NT5C2: variants seen among roughly 807,000 people sequenced by gnomAD.
The protein encoded by NT5C2 is cytosolic purine 5'-nucleotidase.
Under a neutral mutation model 76.1 loss-of-function variants are expected in NT5C2, and 58 were observed. The ratio of observed to expected loss-of-function variants is 0.76; its 90% CI spans 0.62 to 0.95. The LOEUF (loss-of-function observed/expected upper bound fraction) is 0.95, where lower values mean the gene tolerates loss of function less well. Among genes scored for constraint, NT5C2 ranks in the 40% least tolerant of loss-of-function variants. The pLI, the probability that NT5C2 is intolerant of heterozygous loss-of-function variation, is 0.00. For synonymous variants in NT5C2, 229 were observed against 237.4 expected, an observed-to-expected ratio of 0.96 and a Z score of 0.32; for missense variants, 478 against 690.3, an observed-to-expected ratio of 0.69 and a Z score of 3.45.
At position 103,090,017 on chromosome 10, in the gene NT5C2, G is replaced by A; in HGVS notation, c.1450-109C>T. On this transcript the variant is annotated intron_variant, in intron 18 of 18. Transcript: ENST00000404739. ...GTGGCCATGCAATTACATCTATAAT[G>A]GACCACAGGACAAGTCAATATAGAC... is the stretch of plus-strand genomic sequence containing the variant. 1.3e-6 allele frequency: 1 copy of A among 748,686 alleles called. No homozygotes were observed. The highest frequency in any genetic ancestry group is 2.1e-6 in the Non-Finnish European group (1 of 475,884). The allele number at this position is 748,686 out of a possible 1,614,324, so 46.4% of individuals were successfully genotyped here. A position where few individuals can be genotyped will look rare whatever the true frequency, so the allele number is the denominator to read the frequency against.
chr10:103,129,533 C>T (rs2077547609), intron 4 of NT5C2, among the ~76,000 whole-genome samples: 2 of 116,060 alleles, frequency 1.7e-5, no homozygotes, highest in Admixed American at 1.6e-4. Context: ...GTGGGGGGGT[C>T]AGCCCCCCGC....
chr10:103,144,191 A>C (rs2081085677), intron 3 of NT5C2, among the ~76,000 whole-genome samples: 1 of 152,240 alleles, frequency 6.6e-6, no homozygotes, highest in Admixed American at 6.5e-5. Flanking sequence ...TTCAGGCTAG[A>C]GAGCCAACTG....
intron 6 of NT5C2, chr10:103,105,336 C>A: frequency 1.2e-6 from 1 of 803,390 alleles, no homozygotes; most frequent in Non-Finnish European, 1.6e-6. Flanking sequence ...AAAATTTTTT[C>A]AAAGCATTTT....
chr10:103,144,840 A>G (rs1186229917), intron 3 of NT5C2, among the ~76,000 whole-genome samples: 1 of 152,238 alleles, frequency 6.6e-6, no homozygotes, highest in Admixed American at 6.5e-5. Flanking sequence ...ATGTTTTCCT[A>G]TGAAGTTCTA....
In NT5C2 at chr10:103,090,614, G is replaced by A. The variant is rs754488706; in HGVS notation, c.1446C>T (p.Val482=). 1 of 1,612,798 alleles carries A rather than the reference G, an allele frequency of 6.2e-7. No individual in the cohort carries two copies. The highest frequency in any genetic ancestry group is 8.5e-7 in the Non-Finnish European group (1 of 1,179,326). ...GTCCATTACAGCTTTAACTCACCAAGACATGGGCAGCCCTGAAGAGGTAGC... is the reference window on the plus strand; with the variant it reads ...GTCCATTACAGCTTTAACTCACCAAAACATGGGCAGCCCTGAAGAGGTAGC... The part of the protein sequence containing the change: ...PFSYLFRAAH[V]LMPHESTVEH... The change falls in exon 18 of 19, where the codon GTC becomes GTT. Residue 482 remains valine (V), a synonymous_variant. Transcript: ENST00000404739.
intron 4 of NT5C2, among the ~76,000 whole-genome samples, chr10:103,132,863 A>C (rs1036542516): frequency 6.6e-6 from 1 of 152,088 alleles, no homozygotes; most frequent in African/African-American, 2.4e-5. Context: ...GTCTAAAGTA[A>C]TTAAAAAAAA....
intron 1 of NT5C2, among the ~76,000 whole-genome samples, chr10:103,185,940 T>C (rs1477072962): frequency 6.6e-6 from 1 of 152,172 alleles, no homozygotes; most frequent in Admixed American, 6.6e-5. Context: ...GCTAACATAA[T>C]AACAGCTGAC....
At chr10:103,154,327 CTTTT>C (rs1341205013) in intron 3 of NT5C2, among the ~76,000 whole-genome samples, 1 of 151,922 alleles carries the variant, frequency 6.6e-6, no homozygotes, top group Non-Finnish European at 1.5e-5. Flanking sequence ...ATAAAGGTTT[CTTTT>C]TGTTATTAAA....
chr10:103,122,488 G>A (rs1009413795), intron 4 of NT5C2, among the ~76,000 whole-genome samples: 5 of 152,156 alleles, frequency 3.3e-5, no homozygotes, highest in African/African-American at 1.2e-4. Flanking sequence ...GGAGCAGCAT[G>A]AGAAATAGAA....
At chr10:103,171,522 A>C (rs1191358649) in intron 3 of NT5C2, among the ~76,000 whole-genome samples, 2 of 152,180 alleles carry the variant, frequency 1.3e-5, no homozygotes, top group Non-Finnish European at 2.9e-5. Context: ...GCAACTTTTT[A>C]GCACTGCCAA....
chr10:103,137,849 AGAAG>A (rs1384806973), intron 4 of NT5C2, among the ~76,000 whole-genome samples: 1 of 152,212 alleles, frequency 6.6e-6, no homozygotes, highest in Non-Finnish European at 1.5e-5. Context: ...TATATCTTAG[AGAAG>A]GAAGGGAAAA....
intron 4 of NT5C2, among the ~76,000 whole-genome samples, chr10:103,117,230 A>G (rs1591009680): frequency 6.6e-6 from 1 of 152,358 alleles, no homozygotes; most frequent in East Asian, 1.9e-4. Flanking sequence ...AAATAACAGA[A>G]ACAAAAATGG....
At chr10:103,113,133 T>C (rs1431677738) in intron 4 of NT5C2, among the ~76,000 whole-genome samples, 2 of 152,180 alleles carry the variant, frequency 1.3e-5, no homozygotes, top group Admixed American at 6.5e-5. Flanking sequence ...CTAGATATCA[T>C]AGCAATACTT....
intron 4 of NT5C2, among the ~76,000 whole-genome samples, chr10:103,129,738 G>A (rs1301793808): frequency 5.6e-4 from 57 of 100,972 alleles, no homozygotes; most frequent in Non-Finnish European, 8.2e-4. Flanking sequence ...CAGCCGCCCC[G>A]TCCGGGAGGG....
At chr10:103,170,564 C>T (rs1380028703) in intron 3 of NT5C2, among the ~76,000 whole-genome samples, 1 of 134,538 alleles carries the variant, frequency 7.4e-6, no homozygotes, top group Non-Finnish European at 1.5e-5. Flanking sequence ...TGCTCTCATT[C>T]TGTCACCCAG....
At chr10:103,110,594 C>A (rs1162926704) in intron 4 of NT5C2, among the ~76,000 whole-genome samples, 1 of 152,118 alleles carries the variant, frequency 6.6e-6, no homozygotes, top group Non-Finnish European at 1.5e-5. Context: ...TTTTTTTCAA[C>A]TAGTCCAAAA....
chr10:103,183,848 G>A (rs2135349821), intron 1 of NT5C2, among the ~76,000 whole-genome samples: 1 of 151,334 alleles, frequency 6.6e-6, no homozygotes, highest in East Asian at 1.9e-4. Context: ...ATGAAGAAAT[G>A]CCTATTTTTC....
At chr10:103,091,039 C>T in intron 16 of NT5C2, 43 bp from the exon 17 acceptor site, 1 of 1,549,966 alleles carries the variant, frequency 6.5e-7, no homozygotes, top group Non-Finnish European at 8.9e-7. Flanking sequence ...CTGGGAAGAG[C>T]TTTTTTTTAT....
intron 3 of NT5C2, chr10:103,169,555 G>A (rs2087301944): frequency 6.6e-6 from 1 of 152,198 alleles, no homozygotes. Flanking sequence ...GGAAGTTAAG[G>A]CTATAGTGAG....
Sources: gnomAD v4.1 joint callset for allele counts (sites outside exome capture counted in the v4.1 genomes callset) on GRCh38, gnomAD v4.1.1 for gene constraint, MANE v1.5 for transcripts, NCBI Gene and HGNC (gene_info 2026-07-23, HGNC 2026-07-21) for gene names.